ARHGAP26: variants seen among roughly 807,000 people sequenced by gnomAD.
ARHGAP26 encodes Rho GTPase activating protein 26, also known as rho GTPase-activating protein 26.
Under a neutral mutation model 104.8 loss-of-function variants are expected in ARHGAP26, and 38 were observed. The ratio of observed to expected loss-of-function variants is 0.36; its 90% CI spans 0.28 to 0.48. The LOEUF is 0.48. ARHGAP26 is among the 20% of genes least tolerant of loss of function. The probability of loss-of-function intolerance (pLI) is 0.99; values close to 1 mark genes in which losing one functional copy is unlikely to be tolerated. For synonymous variants in ARHGAP26, 341 were observed against 340.0 expected, an observed-to-expected ratio of 1.00 and a Z score of -0.03; for missense variants, 704 against 947.9, an observed-to-expected ratio of 0.74 and a Z score of 3.38.
At position 143,140,973 on chromosome 5, in the gene ARHGAP26, A is replaced by G. The variant is rs757789470; in HGVS notation, c.1838-6258A>G. ...TTCATACTATTCAAAGGCTTACGTA[A>G]TGCCTTTCTCTGAGCAGTCAAAGCT... On this transcript the variant is annotated intron_variant, in intron 19 of 22. Transcript: ENST00000645722. Among the ~76,000 whole-genome samples, 4 of 152,294 alleles carry G rather than the reference A, an allele frequency of 2.6e-5. No homozygotes were observed. In the East Asian group the frequency reaches 7.7e-4, roughly 29 times the overall value.
Position 143,037,225 on chromosome 5 carries a change from A to T in ARHGAP26, c.1174A>T (p.Ile392Leu). Residue 392 changes from isoleucine to leucine, a missense_variant, in exon 13 of 23, where the codon ATA becomes TTA. Ile to Leu is a conservative substitution (Grantham distance 5, BLOSUM62 2). Transcript: ENST00000645722. ...TAQLDSIGFSIIRKCIHAVET... is the reference protein window; with the variant it reads ...TAQLDSIGFSLIRKCIHAVET... ...GCAGTTGGACAGCATTGGCTTCAGC[A>T]TAATCAGGAAATGCATCCATGCTGT... The T allele has an allele frequency of 6.2e-7, 1 of 1,605,508 alleles. No individual in the cohort carries two copies. Among genetic ancestry groups the T allele is most frequent in the Non-Finnish European group, 8.5e-7 (1 of 1,173,434 alleles).
intron 1 of ARHGAP26, among the ~76,000 whole-genome samples, chr5:142,781,904 A>T (rs996265191): frequency 6.6e-6 from 1 of 151,756 alleles, no homozygotes; most frequent in Non-Finnish European, 1.5e-5. Flanking sequence ...TTTAGTAGAG[A>T]TGGGGTTTCA....
chr5:143,012,574 T>TACATATATATATATATATACACAC (rs1420404412), intron 11 of ARHGAP26, among the ~76,000 whole-genome samples: 1 of 87,924 alleles, frequency 1.1e-5, no homozygotes, highest in Admixed American at 1.4e-4. Flanking sequence ...TATATATATA[T>TACATATATATATATATATACACAC]ATTATGATCA....
intron 11 of ARHGAP26, among the ~76,000 whole-genome samples, chr5:142,996,957 T>A (rs1343142946): frequency 6.6e-6 from 1 of 151,840 alleles, no homozygotes; most frequent in Non-Finnish European, 1.5e-5. Context: ...CTGGTGGGAG[T>A]CTTAATTAGT....
chr5:143,222,279 A>C (rs1811299044), intron 22 of ARHGAP26, 79 bp from the exon 23 acceptor site: 3 of 835,570 alleles, frequency 3.6e-6, no homozygotes, highest in Admixed American at 4.9e-5. Flanking sequence ...ACACACACAC[A>C]CACACCCCAC....
chr5:143,222,233 CA>C, intron 22 of ARHGAP26, 124 bp from the exon 23 acceptor site: 1 of 539,942 alleles, frequency 1.9e-6, no homozygotes, highest in South Asian at 5.9e-5. Context: ...ACTCATTGTC[CA>C]AGCTTCCTTC....
chr5:142,780,386 T>A (rs1757259915), intron 1 of ARHGAP26, among the ~76,000 whole-genome samples: 1 of 152,242 alleles, frequency 6.6e-6, no homozygotes, highest in Non-Finnish European at 1.5e-5. Flanking sequence ...AAAGGGTATG[T>A]ACATTTTTCA....
intron 18 of ARHGAP26, among the ~76,000 whole-genome samples, chr5:143,129,506 C>T (rs1334256605): frequency 6.6e-6 from 1 of 152,146 alleles, no homozygotes; most frequent in African/African-American, 2.4e-5. Flanking sequence ...TGTCCTCTGT[C>T]TCTCAAATTA....
At chr5:143,160,792 G>T (rs969608033) in intron 20 of ARHGAP26, among the ~76,000 whole-genome samples, 3 of 152,238 alleles carry the variant, frequency 2.0e-5, no homozygotes, top group Admixed American at 2.0e-4. Flanking sequence ...TATATTTTAA[G>T]TGAAAATGAA....
intron 6 of ARHGAP26, among the ~76,000 whole-genome samples, chr5:142,898,157 T>C (rs1469589501): frequency 7.4e-6 from 1 of 134,928 alleles, no homozygotes; most frequent in Admixed American, 7.2e-5. Flanking sequence ...TGTGTGTATA[T>C]ATATATACAC....
chr5:143,017,800 A>G (rs1017725668), intron 12 of ARHGAP26, among the ~76,000 whole-genome samples: 1 of 152,146 alleles, frequency 6.6e-6, no homozygotes, highest in African/African-American at 2.4e-5. Flanking sequence ...CCAACTCCTC[A>G]TCAGTACTCA....
intron 12 of ARHGAP26, among the ~76,000 whole-genome samples, chr5:143,016,254 A>G (rs934786476): frequency 3.9e-5 from 6 of 152,224 alleles, no homozygotes; most frequent in Non-Finnish European, 7.3e-5. Context: ...AATAAGACAA[A>G]CAGTTTTATT....
intron 1 of ARHGAP26, among the ~76,000 whole-genome samples, chr5:142,775,215 T>C (rs1756061638): frequency 6.6e-6 from 1 of 152,214 alleles, no homozygotes; most frequent in African/African-American, 2.4e-5. Flanking sequence ...TTTTGCATTC[T>C]CACCAGCAAT....
chr5:142,865,428 T>G, intron 1 of ARHGAP26, among the ~76,000 whole-genome samples: 1 of 152,078 alleles, frequency 6.6e-6, no homozygotes, highest in Non-Finnish European at 1.5e-5. Context: ...TGCATACAGT[T>G]ATGTATAAGT....
At chr5:143,178,573 A>G (rs1289266887) in intron 20 of ARHGAP26, among the ~76,000 whole-genome samples, 1 of 152,046 alleles carries the variant, frequency 6.6e-6, no homozygotes, top group African/African-American at 2.4e-5. Context: ...CTGCCCCTTG[A>G]CTGGCTTAGG....
In ARHGAP26 at chr5:142,843,584, T is replaced by G. The variant is rs1771253346; in HGVS notation, c.155-29816T>G. Among the ~76,000 whole-genome samples the G allele has an allele frequency of 2.0e-5, 3 of 152,312 alleles. No homozygotes were observed. In the South Asian group the frequency reaches 6.2e-4, roughly 32 times the overall value. On this transcript the variant is annotated intron_variant, in intron 1 of 22. Transcript: ENST00000645722. ...GGAGTAGTGACGTATAATCCCTGTT[T>G]TTCTGCAAGGAAGCTGAGGGTTTTA...
chr5:142,977,196 T>C (rs1773226395), intron 11 of ARHGAP26, among the ~76,000 whole-genome samples: 1 of 152,192 alleles, frequency 6.6e-6, no homozygotes, highest in Non-Finnish European at 1.5e-5. Context: ...TTCCTCATAA[T>C]GAGCAATTGC....
intron 20 of ARHGAP26, among the ~76,000 whole-genome samples, chr5:143,160,083 G>A (rs171812): frequency 0.23 from 33,626 of 143,996 alleles, 4,373 homozygotes; most frequent in East Asian, 0.4. Context: ...TTTTTGAGAC[G>A]GAGTCTCGCT....
Position 143,190,152 on chromosome 5 carries a change from C to G in ARHGAP26, c.1989-17046C>G, listed in dbSNP as rs1805735923. Reference sequence around the variant, plus strand: ...TTCACCAAAGAGGTAATTACAGCTTCCTTGGTAAGAGCAGAGCTCAGGCAG... The same window carrying G: ...TTCACCAAAGAGGTAATTACAGCTTGCTTGGTAAGAGCAGAGCTCAGGCAG... On this transcript the variant is annotated intron_variant, in intron 20 of 22. Transcript: ENST00000645722. Among the ~76,000 whole-genome samples the G allele has an allele frequency of 3.3e-5, 5 of 152,134 alleles. No individual in the cohort carries two copies. The South Asian group carries it at 1.0e-3, about 32-fold the overall frequency.
Sources: gnomAD v4.1 joint callset for allele counts (sites outside exome capture counted in the v4.1 genomes callset) on GRCh38, gnomAD v4.1.1 for gene constraint, MANE v1.5 for transcripts, NCBI Gene and HGNC (gene_info 2026-07-23, HGNC 2026-07-21) for gene names.